The following SLC22A23 variants were observed in gnomAD, a reference collection of about 807,000 sequenced individuals.
SLC22A23 encodes the protein solute carrier family 22 member 23.
Under a neutral mutation model 61.0 loss-of-function variants are expected in SLC22A23, and 26 were observed. The ratio of observed to expected loss-of-function variants is 0.43; its 90% CI spans 0.31 to 0.59. The LOEUF is 0.59. SLC22A23 is among the 20% of genes least tolerant of loss of function. The pLI is 0.11. For missense variants in SLC22A23, 796 were observed against 934.7 expected (o/e 0.85, Z 1.94); for synonymous variants, 430 against 413.9 (o/e 1.04, Z -0.47).
Position 3,327,145 on chromosome 6 carries a change from G to A in SLC22A23, c.914-3143C>T, listed in dbSNP as rs1205054148. Among the ~76,000 whole-genome samples the A allele has an allele frequency of 3.9e-5, 6 of 152,226 alleles. No individual in the cohort carries two copies. The highest frequency in any genetic ancestry group is 1.3e-4 in the Admixed American group (2 of 15,292). ...GCAAGCAGAAGCATTTGGTGCAGCA[G>A]CTCCCACACCTTGAAGATGGTTCCA... On this transcript the variant is annotated intron_variant, in intron 3 of 9. Coordinates refer to ENST00000406686, the MANE Select transcript of SLC22A23 (RefSeq NM_015482.2). This position sits in a 1 kb window ranked among gnomAD's most constrained non-coding sequence, Gnocchi z 4.1.
chr6:3,384,117 C>G (rs1015310063), intron 3 of SLC22A23, among the ~76,000 whole-genome samples: 1 of 152,174 alleles, frequency 6.6e-6, no homozygotes, highest in Non-Finnish European at 1.5e-5. Context: ...ATAGCAGATG[C>G]TTATAGACTG....
chr6:3,355,923 G>C (rs911123931), intron 3 of SLC22A23, among the ~76,000 whole-genome samples: 5 of 145,668 alleles, frequency 3.4e-5, no homozygotes, highest in Admixed American at 2.8e-4. Context: ...AACACAGTAC[G>C]ACAGCATTTG....
In SLC22A23 at chr6:3,318,547, TC is replaced by T. The variant is rs1237117130; in HGVS notation, c.1082+5286del. 6.6e-6 allele frequency among the ~76,000 whole-genome samples: 1 copy of T among 152,136 alleles called. No homozygotes were observed. The highest frequency in any genetic ancestry group is 2.4e-5 in the African/African-American group (1 of 41,412). On this transcript the variant is annotated intron_variant, in intron 4 of 9. Transcript: ENST00000406686. The surrounding 1 kb of genome is among the most constrained non-coding windows in gnomAD (Gnocchi z 4.3). ...AAAGGCTCCTGCCCACGTTTTTGCC[TC>T]CCTGTGTGCCTCCTGGCCCACCCCA...
intron 3 of SLC22A23, among the ~76,000 whole-genome samples, chr6:3,397,437 G>A (rs1403389606): frequency 1.3e-5 from 2 of 152,182 alleles, no homozygotes; most frequent in Admixed American, 1.3e-4. Context: ...CTCAGTAAGT[G>A]TTATCTCTGG....
intron 1 of SLC22A23, among the ~76,000 whole-genome samples, chr6:3,430,105 T>C (rs1020152679): frequency 6.6e-6 from 1 of 152,220 alleles, no homozygotes; most frequent in African/African-American, 2.4e-5. Flanking sequence ...CTTCAGGAAA[T>C]GGGCTAGCCA....
intron 3 of SLC22A23, among the ~76,000 whole-genome samples, chr6:3,376,974 C>T (rs1766611390): frequency 6.7e-6 from 1 of 150,214 alleles, no homozygotes; most frequent in Non-Finnish European, 1.5e-5. Context: ...ATGAAGGTGT[C>T]GGGGGAAGGG....
chr6:3,273,886 C>A (rs1020546807), intron 9 of SLC22A23, among the ~76,000 whole-genome samples: 3 of 152,206 alleles, frequency 2.0e-5, no homozygotes, highest in Non-Finnish European at 2.9e-5. Flanking sequence ...CAGAGACTTT[C>A]TCTTTGTCAT....
intron 1 of SLC22A23, among the ~76,000 whole-genome samples, chr6:3,455,549 C>T (rs1419093437): frequency 6.6e-6 from 1 of 152,178 alleles, no homozygotes; most frequent in African/African-American, 2.4e-5. Flanking sequence ...ACTAGCCGGG[C>T]AGAACAGGGC....
intron 1 of SLC22A23, among the ~76,000 whole-genome samples, chr6:3,429,324 A>G (rs1228366816): frequency 6.6e-6 from 1 of 152,216 alleles, no homozygotes; most frequent in African/African-American, 2.4e-5. Flanking sequence ...CTAATTGGTA[A>G]GATATGGACA....
At chr6:3,281,641 T>C (rs962448068) in intron 9 of SLC22A23, among the ~76,000 whole-genome samples, 42 of 152,024 alleles carry the variant, frequency 2.8e-4, no homozygotes, top group African/African-American at 9.7e-4. Flanking sequence ...TATCTTGGAA[T>C]TTTCTCTGTG....
In SLC22A23 at chr6:3,335,739, G is replaced by A. The variant is rs541957093; in HGVS notation, c.914-11737C>T. ...GCCATTATTTTTAATGGCAAAAACC[G>A]TAATTACTTTTGCACCAACCTAATA... On this transcript the variant is annotated intron_variant, in intron 3 of 9. Coordinates refer to ENST00000406686, the MANE Select transcript of SLC22A23 (RefSeq NM_015482.2). Among the ~76,000 whole-genome samples the A allele has an allele frequency of 1.3e-4, 20 of 152,264 alleles. No homozygotes were observed. In the East Asian group the frequency reaches 3.3e-3, roughly 25 times the overall value.
At chr6:3,305,130 G>A (rs911408402) in intron 4 of SLC22A23, among the ~76,000 whole-genome samples, 11 of 152,210 alleles carry the variant, frequency 7.2e-5, no homozygotes, top group African/African-American at 9.6e-5. Context: ...AGTGTCCCCC[G>A]TGTGTGATGC....
intron 1 of SLC22A23, among the ~76,000 whole-genome samples, chr6:3,453,791 ACT>A (rs1289572227): frequency 6.6e-6 from 1 of 152,246 alleles, no homozygotes; most frequent in Admixed American, 6.5e-5. Context: ...GCTTTTATCC[ACT>A]GAAAGAAGGC....
intron 1 of SLC22A23, among the ~76,000 whole-genome samples, chr6:3,420,303 T>C (rs1581859836): frequency 6.7e-6 from 1 of 148,154 alleles, no homozygotes; most frequent in East Asian, 2.0e-4. Flanking sequence ...CTAAAGAAAA[T>C]ACCATTAATA....
chr6:3,343,477 A>G (rs987879684), intron 3 of SLC22A23, among the ~76,000 whole-genome samples: 11 of 152,152 alleles, frequency 7.2e-5, no homozygotes, highest in East Asian at 5.8e-4. Context: ...ACACACGCAC[A>G]CACACACACA....
chr6:3,439,303 G>A (rs1235177018), intron 1 of SLC22A23: 1 of 450,592 alleles, frequency 2.2e-6, no homozygotes, highest in Non-Finnish European at 4.4e-6. Context: ...ATACCCCGTG[G>A]AAAGTGTCCA....
In SLC22A23 at chr6:3,296,992, C is replaced by T. The variant is rs78496058; in HGVS notation, c.1210+1099G>A. Among the ~76,000 whole-genome samples the T allele has an allele frequency of 7.2e-3, 1,102 of 152,338 alleles. 12 individuals carry two copies. Among genetic ancestry groups the T allele is most frequent in the African/African-American group, 0.025 (1,036 of 41,576 alleles). Reference sequence around the variant, plus strand: ...CACTCAGGCCCCTGCACCTGTGCCCCTGGAGCAAAGCTTCCGCAGCCACTC... The same window carrying T: ...CACTCAGGCCCCTGCACCTGTGCCCTTGGAGCAAAGCTTCCGCAGCCACTC... On this transcript the variant is annotated intron_variant, in intron 5 of 9. Coordinates refer to ENST00000406686, the MANE Select transcript of SLC22A23 (RefSeq NM_015482.2).
In SLC22A23 at chr6:3,318,402, C is replaced by T. The variant is rs557087939; in HGVS notation, c.1082+5432G>A. On this transcript the variant is annotated intron_variant, in intron 4 of 9. Coordinates refer to ENST00000406686, the MANE Select transcript of SLC22A23 (RefSeq NM_015482.2). The surrounding 1 kb of genome is among the most constrained non-coding windows in gnomAD (Gnocchi z 4.3). Reference sequence around the variant, plus strand: ...CACCATCCGCCTGCCCCAGTCACCCCGGGGCCAGCTTCCAGACACCTAGGG... The same window carrying T: ...CACCATCCGCCTGCCCCAGTCACCCTGGGGCCAGCTTCCAGACACCTAGGG... 1.1e-3 allele frequency among the ~76,000 whole-genome samples: 163 copies of T among 152,276 alleles called. 2 individuals are homozygous for T. The highest frequency in any genetic ancestry group is 1.1e-3 in the African/African-American group (44 of 41,552).
At chr6:3,284,282 C>T (rs976574027) in intron 8 of SLC22A23, among the ~76,000 whole-genome samples, 2 of 152,152 alleles carry the variant, frequency 1.3e-5, no homozygotes, top group African/African-American at 4.8e-5. Context: ...GTCCCTGGTG[C>T]CACAGCGACA....
Sources: gnomAD v4.1 joint callset for allele counts (sites outside exome capture counted in the v4.1 genomes callset) on GRCh38, gnomAD v4.1.1 for gene constraint, Gnocchi (gnomAD v3.1) non-coding constraint, MANE v1.5 for transcripts, NCBI Gene and HGNC (gene_info 2026-07-23, HGNC 2026-07-21) for gene names.